The following NFYC variants were observed in gnomAD, a reference collection of about 807,000 sequenced individuals.
NFYC encodes nuclear transcription factor Y subunit gamma, also known as CAAT box DNA-binding protein subunit C.
In NFYC, 25 loss-of-function variants were observed where a neutral mutation model predicts 53.1. The observed-to-expected ratio is 0.47, with a 90% CI of 0.34 to 0.66. The LOEUF (loss-of-function observed/expected upper bound fraction) is 0.66. Among genes scored for constraint, NFYC ranks in the 30% least tolerant of loss-of-function variants. The pLI, the probability that NFYC is intolerant of heterozygous loss-of-function variation, is 0.01. For synonymous variants in NFYC, 145 were observed against 152.6 expected (o/e 0.95, Z 0.37); for missense variants, 260 against 422.7 (o/e 0.62, Z 3.38).
At chr1:40,762,854 A>G in intron 6 of NFYC, 34 bp from the exon 7 acceptor site, 1 of 1,524,768 alleles carries the variant, frequency 6.6e-7, no homozygotes, top group Non-Finnish European at 8.8e-7. Context: ...CTGAGCCTGA[A>G]CTCACGCAGC....
intron 1 of NFYC, among the ~76,000 whole-genome samples, chr1:40,705,298 C>T (rs1223208876): frequency 6.6e-6 from 1 of 150,906 alleles, no homozygotes. Flanking sequence ...CTCCCCACCC[C>T]CACCCTTCAC....
chr1:40,717,387 A>G (rs926259183), intron 1 of NFYC, among the ~76,000 whole-genome samples: 15 of 152,114 alleles, frequency 9.9e-5, no homozygotes, highest in African/African-American at 3.4e-4. Context: ...TTTTAGTATT[A>G]GTTTACTAAA....
chr1:40,698,283 A>G (rs537379631), intron 1 of NFYC, among the ~76,000 whole-genome samples: 1 of 151,378 alleles, frequency 6.6e-6, no homozygotes, highest in South Asian at 2.1e-4. Flanking sequence ...GAATCGCTCG[A>G]ACCCAGAGGC....
At chr1:40,751,766 A>G (rs1164666600) in intron 4 of NFYC, among the ~76,000 whole-genome samples, 2 of 152,196 alleles carry the variant, frequency 1.3e-5, no homozygotes, top group Non-Finnish European at 2.9e-5. Context: ...GGAGATGTTT[A>G]TTATTTTTCT....
chr1:40,748,743 A>G (rs1272112187), intron 3 of NFYC, among the ~76,000 whole-genome samples: 1 of 152,222 alleles, frequency 6.6e-6, no homozygotes, highest in Non-Finnish European at 1.5e-5. Flanking sequence ...GTATTTTCAC[A>G]GAAAGCTAAC....
chr1:40,747,198 G>GA (rs10715572), intron 2 of NFYC, among the ~76,000 whole-genome samples: 1 of 146,328 alleles, frequency 6.8e-6, no homozygotes, highest in Non-Finnish European at 1.5e-5. Flanking sequence ...AACTTACTTG[G>GA]AAAAAAAAAG....
chr1:40,699,289 C>T (rs1424953111), intron 1 of NFYC, among the ~76,000 whole-genome samples: 1 of 152,164 alleles, frequency 6.6e-6, no homozygotes, highest in Admixed American at 6.5e-5. Context: ...TTCACAATCC[C>T]AAATTACTGT....
At chr1:40,728,471 C>A (rs1384396043) in intron 1 of NFYC, among the ~76,000 whole-genome samples, 1 of 151,668 alleles carries the variant, frequency 6.6e-6, no homozygotes, top group Non-Finnish European at 1.5e-5. Flanking sequence ...GTGGCGCATG[C>A]CTGCCATCCC....
At chr1:40,768,809 G>A (rs1253283426) in intron 8 of NFYC, 2 of 153,264 alleles carry the variant, frequency 1.3e-5, no homozygotes, top group South Asian at 2.0e-4. Flanking sequence ...TGCCTCTCTC[G>A]GAAAAAGTAC....
chr1:40,735,606 T>C (rs888957778), intron 1 of NFYC: 1 of 985,284 alleles, frequency 1.0e-6, no homozygotes, highest in African/African-American at 1.7e-5. Flanking sequence ...TACAGGTCTT[T>C]GTACTCCAAC....
At chr1:40,766,872 G>A in intron 8 of NFYC, 169 bp downstream of exon 8, 6 of 1,546,768 alleles carry the variant, frequency 3.9e-6, no homozygotes, top group Non-Finnish European at 5.3e-6. Context: ...GGTGGTAATT[G>A]GAACATTAGA....
chr1:40,713,977 C>T (rs1226294599), intron 1 of NFYC, among the ~76,000 whole-genome samples: 6 of 152,142 alleles, frequency 3.9e-5, no homozygotes, highest in African/African-American at 1.4e-4. Context: ...CTTGCCTCAG[C>T]CAGTTAGTTG....
chr1:40,763,032 A>T lies in NFYC; in HGVS notation c.706A>T (p.Ile236Phe). 6.3e-7 allele frequency: 1 copy of T among 1,599,676 alleles called. No individual in the cohort carries two copies. Among genetic ancestry groups the T allele is most frequent in the Non-Finnish European group, 8.5e-7 (1 of 1,171,588 alleles). Residue 236 changes from isoleucine (I) to phenylalanine (F), a missense_variant, in exon 7 of 10, where the codon ATC (isoleucine) becomes TTC (phenylalanine). Transcript: ENST00000447388. ...GCAGATCATCACTAACACAGGAGAG[A>T]TCCAGCAGATCCCGGTGAGTCCTGC... is the stretch of plus-strand genomic sequence containing the variant. ...MQQIITNTGE[I>F]QQIPVQLNAG...
chr1:40,758,524 A>G (rs1646356740), intron 6 of NFYC: 1 of 454,284 alleles, frequency 2.2e-6, no homozygotes, highest in South Asian at 4.7e-5. Flanking sequence ...ACTAGACAGT[A>G]TGTTCTCCAG....
At chr1:40,730,173 C>G (rs994109533) in intron 1 of NFYC, among the ~76,000 whole-genome samples, 1 of 149,486 alleles carries the variant, frequency 6.7e-6, no homozygotes, top group Non-Finnish European at 1.5e-5. Flanking sequence ...ATCAGCAGGA[C>G]TGGCTAATTT....
At chr1:40,753,887 A>T (rs1646056966) in intron 5 of NFYC, among the ~76,000 whole-genome samples, 1 of 152,094 alleles carries the variant, frequency 6.6e-6, no homozygotes, top group African/African-American at 2.4e-5. Context: ...AAGAATATGA[A>T]CGTCTGCCTT....
intron 1 of NFYC, among the ~76,000 whole-genome samples, chr1:40,733,271 T>A (rs1285732700): frequency 2.0e-5 from 3 of 151,812 alleles, no homozygotes; most frequent in African/African-American, 7.3e-5. Context: ...GAGGTGCAGA[T>A]CGGGCCTCCT....
In NFYC at chr1:40,762,888, A is replaced by G; in HGVS notation, c.562A>G (p.Thr188Ala). The G allele has an allele frequency of 6.3e-7, 1 of 1,595,986 alleles. No homozygotes were observed. The highest frequency in any genetic ancestry group is 8.5e-7 in the Non-Finnish European group (1 of 1,169,982). ...GCATTCTCATAACTCTTCCTTTCAG[A>G]CCACACCTGTGACAATGCAGGTTGG... ...IIIAQPQQGQ[T>A]TPVTMQVGEG... The change falls in exon 7 of 10, where the codon ACC (threonine) becomes GCC (alanine). Residue 188 changes from threonine (T) to alanine (A), a missense_variant and splice_region_variant. Physicochemically the swap from Thr to Ala is moderately conservative, Grantham distance 58. Coordinates refer to ENST00000447388, the MANE Select transcript of NFYC (RefSeq NM_014223.5).
chr1:40,765,443 C>T (rs768065839), intron 7 of NFYC, among the ~76,000 whole-genome samples: 5 of 152,330 alleles, frequency 3.3e-5, no homozygotes, highest in South Asian at 2.1e-4. Flanking sequence ...TTGAACACTG[C>T]GTGCAGGAAT....
Sources: gnomAD v4.1 joint callset for allele counts (sites outside exome capture counted in the v4.1 genomes callset) on GRCh38, gnomAD v4.1.1 for gene constraint, MANE v1.5 for transcripts, NCBI Gene and HGNC (gene_info 2026-07-23, HGNC 2026-07-21) for gene names.